The following OR8B8 variants were observed in gnomAD, a reference collection of about 807,000 sequenced individuals.
The protein encoded by OR8B8 is olfactory receptor 8B8.
OR8B8 carries 8 observed loss-of-function variants against 10.5 expected under a neutral mutation model. That is an observed-to-expected ratio of 0.76 (90% CI 0.45 to 1.38). The LOEUF (loss-of-function observed/expected upper bound fraction) is 1.38, where lower values mean the gene tolerates loss of function less well. Among genes scored for constraint, OR8B8 ranks in the 40% most tolerant of loss-of-function variants. The pLI is 0.00. For missense variants in OR8B8, 390 were observed against 380.5 expected, an observed-to-expected ratio of 1.03 and a Z score of -0.21; for synonymous variants, 150 against 145.2, an observed-to-expected ratio of 1.03 and a Z score of -0.24.
chr11:124,442,072 A>G (rs953227535), intron 1 of OR8B8, among the ~76,000 whole-genome samples: 1 of 151,880 alleles, frequency 6.6e-6, no homozygotes, highest in Non-Finnish European at 1.5e-5. Flanking sequence ...TTTTTTTCCT[A>G]GCATTATGCA....
chr11:124,440,502 T>C lies in OR8B8; in HGVS notation c.584A>G (p.Asn195Ser). The C allele has an allele frequency of 1.9e-6, 3 of 1,614,196 alleles. No individual in the cohort carries two copies. The highest frequency in any genetic ancestry group is 2.5e-6 in the Non-Finnish European group (3 of 1,180,020). The change falls in exon 3 of 3, where the codon AAT becomes AGT. Residue 195 changes from asparagine (N) to serine (S), a missense_variant. By Grantham distance (46) the Asn-to-Ser change is conservative (BLOSUM62 1). Transcript: ENST00000642064. Reference protein sequence around the residue: ...LECACTSTYVNELVVFVVVGI... With the variant: ...LECACTSTYVSELVVFVVVGI... ...CACAACAACAAACACTACAAGCTCA[T>C]TCACATAGGTGCTGGTGCAAGCACA...
chr11:124,437,626 T>TGTGTGTG lies in OR8B8; in HGVS notation c.*2523_*2524insCACACAC, dbSNP rs1861415909. On this transcript the variant is annotated 3_prime_UTR_variant, in exon 3 of 3. Transcript: ENST00000642064. Reference sequence around the variant, plus strand: ...AGGTGGGGGAGGTCTCTCTCAGACTTTGTGTGTGTGTGTGTGTGTGTGTGT... The same window carrying TGTGTGTG: ...AGGTGGGGGAGGTCTCTCTCAGACTTGTGTGTGTGTGTGTGTGTGTGTGTGTGTGTGT... 6.9e-6 allele frequency: 1 copy of TGTGTGTG among 143,894 alleles called. No homozygotes were observed. The allele number at this position is 143,894 out of a possible 1,614,324, so 8.9% of individuals were successfully genotyped here.
intron 1 of OR8B8, among the ~76,000 whole-genome samples, 178 bp from the exon 2 acceptor site, chr11:124,441,801 G>A (rs1364732181): frequency 6.6e-6 from 1 of 152,172 alleles, no homozygotes; most frequent in Admixed American, 6.5e-5. Flanking sequence ...CATTATCAGT[G>A]ACAGCCAATG....
At position 124,440,459 on chromosome 11, in the gene OR8B8, C is replaced by T; in HGVS notation, c.627G>A (p.Val209=). ...VFVVVGIDIG[V]PTVTIFISYA... Reference sequence around the variant, plus strand: ...AGGAAATGAAGATGGTGACTGTGGGCACACCAATATCAATGCCCACAACAA... The same window carrying T: ...AGGAAATGAAGATGGTGACTGTGGGTACACCAATATCAATGCCCACAACAA... The change falls in exon 3 of 3, where the codon GTG becomes GTA. Residue 209 remains valine, a synonymous_variant. Coordinates refer to ENST00000642064, the MANE Select transcript of OR8B8 (RefSeq NM_012378.2). The T allele has an allele frequency of 6.2e-7, 1 of 1,614,130 alleles. No individual in the cohort carries two copies. Among genetic ancestry groups the T allele is most frequent in the Non-Finnish European group, 8.5e-7 (1 of 1,180,020 alleles).
At position 124,437,661 on chromosome 11, in the gene OR8B8, TGTGTGTGC is replaced by T. The variant is rs1371168295; in HGVS notation, c.*2481_*2488del. 2.1e-3 allele frequency: 265 copies of T among 123,908 alleles called. 2 individuals are homozygous for T. The highest frequency in any genetic ancestry group is 9.3e-3 in the South Asian group (39 of 4,182). 7.7% of individuals were successfully genotyped at this position (123,908 alleles called of 1,614,324 possible). ...GTGTGTGTGTGTGTGTGTGTGTGTG[TGTGTGTGC>T]GCGCGCGCGTGCGTGCGTGCTGGGA... On this transcript the variant is annotated 3_prime_UTR_variant, in exon 3 of 3. Coordinates refer to ENST00000642064, the MANE Select transcript of OR8B8 (RefSeq NM_012378.2).
In OR8B8 at chr11:124,440,603, C is replaced by A. The variant is rs74383090; in HGVS notation, c.483G>T (p.Ala161=). The A allele has an allele frequency of 6.2e-7, 1 of 1,614,052 alleles. No individual in the cohort carries two copies. The highest frequency in any genetic ancestry group is 8.5e-7 in the Non-Finnish European group (1 of 1,179,982). The change falls in exon 3 of 3, where the codon GCG becomes GCT. Residue 161 remains alanine (A), a synonymous_variant. Coordinates refer to ENST00000642064, the MANE Select transcript of OR8B8 (RefSeq NM_012378.2). ...CACAGAAGGTCACACCCATCATGCA[C>A]GCTGTGTGGGCCATGGCCCCAGCAA... ...MGFAGAMAHT[A]CMMGVTFCAN...
At chr11:124,444,047 G>A (rs1861503257) in intron 1 of OR8B8, among the ~76,000 whole-genome samples, 3 of 152,026 alleles carry the variant, frequency 2.0e-5, no homozygotes, top group African/African-American at 7.2e-5. Flanking sequence ...TCCCCATTAA[G>A]GTAACATATA....
rs371008288 is a variant in OR8B8 at position 124,440,955 on chromosome 11, C to A, written c.131G>T (p.Gly44Val). ...FYVVTVVGNL[G>V]LITLIRLNSH... ...GTTGAGCCTTATCAGGGTTATCAAG[C>A]CCAGGTTCCCCACCACAGTGACCAC... Residue 44 changes from glycine (G) to valine (V), a missense_variant, in exon 3 of 3, where the codon GGC becomes GTC. By Grantham distance (109) the Gly-to-Val change is moderately radical (BLOSUM62 -3). Transcript: ENST00000642064. The A allele has an allele frequency of 1.7e-5, 27 of 1,613,906 alleles. No homozygotes were observed. Among genetic ancestry groups the A allele is most frequent in the Non-Finnish European group, 2.3e-5 (27 of 1,180,006 alleles).
In OR8B8 at chr11:124,442,919, A is replaced by G. The variant is rs927687724; in HGVS notation, c.-152-1296T>C. Among the ~76,000 whole-genome samples, 3 of 122,942 alleles carry G rather than the reference A, an allele frequency of 2.4e-5. No individual in the cohort carries two copies. In the Admixed American group the frequency reaches 2.5e-4, roughly 10 times the overall value. 80.7% of individuals were successfully genotyped at this position (122,942 alleles called of 152,430 possible). On this transcript the variant is annotated intron_variant, in intron 1 of 2. Coordinates refer to ENST00000642064, the MANE Select transcript of OR8B8 (RefSeq NM_012378.2). ...ACCTGGCTGTGCAAATGAATTAGAT[A>G]ACTATATGCTTATTAAAAGTACAGA...
rs1380353210 is a variant in OR8B8 at position 124,438,405 on chromosome 11, A to C, written c.*1745T>G. On this transcript the variant is annotated 3_prime_UTR_variant, in exon 3 of 3. Coordinates refer to ENST00000642064, the MANE Select transcript of OR8B8 (RefSeq NM_012378.2). ...ATCCATCCAAACTTTACTTTTTCTAAATAGAAGAGAATCTTCCTAAAGAGA... is the reference window on the plus strand; with the variant it reads ...ATCCATCCAAACTTTACTTTTTCTACATAGAAGAGAATCTTCCTAAAGAGA... 1 of 152,220 alleles carries C rather than the reference A, an allele frequency of 6.6e-6. No homozygotes were observed. Among genetic ancestry groups the C allele is most frequent in the Admixed American group, 6.5e-5 (1 of 15,288 alleles). The allele number at this position is 152,220 out of a possible 1,614,324, so 9.4% of individuals were successfully genotyped here.
Position 124,440,227 on chromosome 11 carries a change from G to T in OR8B8, c.859C>A (p.Pro287Thr). ...FYTTVVPMLN[P>T]LIYSLRNKDV... is the part of the protein sequence containing the mutation. Reference sequence around the variant, plus strand: ...TTATTCCTCAGGCTATAAATTAATGGGTTGAGCATGGGCACCACAGTGGTA... The same window carrying T: ...TTATTCCTCAGGCTATAAATTAATGTGTTGAGCATGGGCACCACAGTGGTA... Residue 287 changes from proline (P) to threonine (T), a missense_variant, in exon 3 of 3, where the codon CCA becomes ACA. Transcript: ENST00000642064. 1 of 1,614,132 alleles carries T rather than the reference G, an allele frequency of 6.2e-7. No homozygotes were observed. The highest frequency in any genetic ancestry group is 8.5e-7 in the Non-Finnish European group (1 of 1,180,034).
In OR8B8 at chr11:124,440,935, G is replaced by A. The variant is rs748560249; in HGVS notation, c.151C>T (p.Leu51Phe). ...GNLGLITLIR[L>F]NSHLHTPMYF... ...ATAGGGGTGTGCAAGTGAGAGTTGA[G>A]CCTTATCAGGGTTATCAAGCCCAGG... The change falls in exon 3 of 3, where the codon CTC becomes TTC. Residue 51 changes from leucine to phenylalanine, a missense_variant. Leu to Phe is a conservative substitution (Grantham distance 22). Transcript: ENST00000642064. 1 of 1,614,112 alleles carries A rather than the reference G, an allele frequency of 6.2e-7. No homozygotes were observed. The highest frequency in any genetic ancestry group is 8.5e-7 in the Non-Finnish European group (1 of 1,180,018).
Position 124,438,549 on chromosome 11 carries a change from T to C in OR8B8, c.*1601A>G, listed in dbSNP as rs1386947093. On this transcript the variant is annotated 3_prime_UTR_variant, in exon 3 of 3. Coordinates refer to ENST00000642064, the MANE Select transcript of OR8B8 (RefSeq NM_012378.2). Reference sequence around the variant, plus strand: ...TCTACCTTCCTTTATACAGTACCATTAGGCTGTGGGCTTATAAACCTGAGC... The same window carrying C: ...TCTACCTTCCTTTATACAGTACCATCAGGCTGTGGGCTTATAAACCTGAGC... The C allele has an allele frequency of 6.6e-6, 1 of 152,208 alleles. No homozygotes were observed. The highest frequency in any genetic ancestry group is 1.5e-5 in the Non-Finnish European group (1 of 68,028). 9.4% of individuals were successfully genotyped at this position (152,208 alleles called of 1,614,324 possible). A position where few individuals can be genotyped will look rare whatever the true frequency, so the allele number is the denominator to read the frequency against.
At position 124,440,127 on chromosome 11, in the gene OR8B8, C is replaced by G; in HGVS notation, c.*23G>C. On this transcript the variant is annotated 3_prime_UTR_variant, in exon 3 of 3. Coordinates refer to ENST00000642064, the MANE Select transcript of OR8B8 (RefSeq NM_012378.2). ...ATCACTTATGGGAGAAACAGTGTTT[C>G]TTTCCTGAGCATTGCCCTTTTCTCA... 4 of 1,573,082 alleles carry G rather than the reference C, an allele frequency of 2.5e-6. No homozygotes were observed. Among genetic ancestry groups the G allele is most frequent in the Non-Finnish European group, 1.7e-6 (2 of 1,151,954 alleles).
chr11:124,440,501 A>T lies in OR8B8; in HGVS notation c.585T>A (p.Asn195Lys), dbSNP rs775426624. The T allele has an allele frequency of 1.8e-5, 29 of 1,613,230 alleles. No homozygotes were observed. The highest frequency in any genetic ancestry group is 2.3e-5 in the Non-Finnish European group (27 of 1,179,218). The change falls in exon 3 of 3, where the codon AAT becomes AAA. Residue 195 changes from asparagine (N) to lysine (K), a missense_variant. Physicochemically the swap from Asn to Lys is moderately conservative, Grantham distance 94. Transcript: ENST00000642064. ...CCACAACAACAAACACTACAAGCTC[A>T]TTCACATAGGTGCTGGTGCAAGCAC... ...LECACTSTYVNELVVFVVVGI... is the reference protein window; with the variant it reads ...LECACTSTYVKELVVFVVVGI...
Position 124,437,655 on chromosome 11 carries a change from TGTGTGTGTGTGTGC to T in OR8B8, c.*2481_*2494del, listed in dbSNP as rs1198103538. ...GTGTGTGTGTGTGTGTGTGTGTGTG[TGTGTGTGTGTGTGC>T]GCGCGCGCGTGCGTGCGTGCTGGGA... On this transcript the variant is annotated 3_prime_UTR_variant, in exon 3 of 3. Transcript: ENST00000642064. 41 of 115,918 alleles carry T rather than the reference TGTGTGTGTGTGTGC, an allele frequency of 3.5e-4. No homozygotes were observed. Among genetic ancestry groups the T allele is most frequent in the African/African-American group, 8.1e-4 (27 of 33,174 alleles). The allele number at this position is 115,918 out of a possible 1,614,324, so 7.2% of individuals were successfully genotyped here. A position where few individuals can be genotyped will look rare whatever the true frequency, so the allele number is the denominator to read the frequency against.
In OR8B8 at chr11:124,441,062, G is replaced by A. The variant is rs748339371; in HGVS notation, c.24C>T (p.Phe8=). 26 of 1,611,524 alleles carry A rather than the reference G, an allele frequency of 1.6e-5. No individual in the cohort carries two copies. Among genetic ancestry groups the A allele is most frequent in the East Asian group, 2.2e-5 (1 of 44,876 alleles). MAAENSS[F]VTQFILAGLT... ...AGCCTGCGAGGATAAACTGTGTCAC[G>A]AAGGAGGAATTCTCAGCAGCCATTG... The change falls in exon 3 of 3, where the codon TTC becomes TTT. Residue 8 remains phenylalanine, a synonymous_variant. Coordinates refer to ENST00000642064, the MANE Select transcript of OR8B8 (RefSeq NM_012378.2).
At chr11:124,442,837 T>A (rs1440801825) in intron 1 of OR8B8, among the ~76,000 whole-genome samples, 1 of 152,242 alleles carries the variant, frequency 6.6e-6, no homozygotes, top group Non-Finnish European at 1.5e-5. Flanking sequence ...TTATCATTCT[T>A]GGAGCCCCAT....
Position 124,437,731 on chromosome 11 carries a change from C to CAT in OR8B8, c.*2418_*2419insAT. 1 of 152,320 alleles carries CAT rather than the reference C, an allele frequency of 6.6e-6. No individual in the cohort carries two copies. The allele number at this position is 152,320 out of a possible 1,614,324, so 9.4% of individuals were successfully genotyped here. On this transcript the variant is annotated 3_prime_UTR_variant, in exon 3 of 3. Transcript: ENST00000642064. Reference sequence around the variant, plus strand: ...AGCCACCGCACCCAGCCTCAGGACTCTTTTATAAGGACACTAACCTCATTC... The same window carrying CAT: ...AGCCACCGCACCCAGCCTCAGGACTCATTTTTATAAGGACACTAACCTCATTC...
Sources: gnomAD v4.1 joint callset for allele counts (sites outside exome capture counted in the v4.1 genomes callset) on GRCh38, gnomAD v4.1.1 for gene constraint, MANE v1.5 for transcripts, NCBI Gene and HGNC (gene_info 2026-07-23, HGNC 2026-07-21) for gene names.